Variants in CCDC170 observed in about 807,000 individuals in gnomAD.
CCDC170 encodes the protein coiled-coil domain-containing protein 170.
A neutral mutation model predicts 72.6 loss-of-function variants in CCDC170; 69 were observed. The observed-to-expected ratio is 0.95, with a 90% confidence interval of 0.78 to 1.16. The LOEUF is 1.16. Ranked by LOEUF, CCDC170 falls within the 50% of genes most tolerant of loss-of-function variation. CCDC170 has a pLI of 0.00. For synonymous variants in CCDC170, 300 were observed against 303.9 expected (o/e 0.99, Z 0.13); for missense variants, 852 against 832.5 (o/e 1.02, Z -0.29).
chr6:151,596,488 A>G lies in CCDC170; in HGVS notation c.1621A>G (p.Lys541Glu), dbSNP rs764088024. 2 of 1,614,064 alleles carry G rather than the reference A, an allele frequency of 1.2e-6. No individual in the cohort carries two copies. Among genetic ancestry groups the G allele is most frequent in the South Asian group, 2.2e-5 (2 of 91,070 alleles). ...AHLTIRNLQK[K>E]VERLQKELNT... ...TCTTACCATCAGGAACTTGCAGAAG[A>G]AGGTGGAGAGGCTGCAGAAAGAGCT... The change falls in exon 9 of 11, where the codon AAG becomes GAG. Residue 541 changes from lysine to glutamate, a missense_variant. Coordinates refer to ENST00000239374, the MANE Select transcript of CCDC170 (RefSeq NM_025059.4).
rs1562302655 is a variant in CCDC170, at chr6:151,618,813, C to A, written c.*666C>A. On this transcript the variant is annotated 3_prime_UTR_variant, in exon 11 of 11. Transcript: ENST00000239374. ...ATCATTTGAGGTCAGGAGTTTAAGA[C>A]CAGCCTGGCTAACATAGTGAGACCC... is the stretch of plus-strand genomic sequence containing the variant. 1 of 152,260 alleles carries A rather than the reference C, an allele frequency of 6.6e-6. No individual in the cohort carries two copies. Among genetic ancestry groups the A allele is most frequent in the Non-Finnish European group, 1.5e-5 (1 of 68,286 alleles). 9.4% of individuals were successfully genotyped at this position (152,260 alleles called of 1,614,324 possible). A position where few individuals can be genotyped will look rare whatever the true frequency, so the allele number is the denominator to read the frequency against.
chr6:151,505,767 T>C (rs1177222502), intron 1 of CCDC170, among the ~76,000 whole-genome samples: 1 of 152,112 alleles, frequency 6.6e-6, no homozygotes. Flanking sequence ...GAAATTGTAA[T>C]TCTACTTCTG....
Position 151,596,583 on chromosome 6 carries a change from T to C in CCDC170, c.1710+6T>C. ...CCGACACCAATGAACTGAAGGCAAGTGCTTGGCTTCATTTTGTTGTTGCTT... is the reference window on the plus strand; with the variant it reads ...CCGACACCAATGAACTGAAGGCAAGCGCTTGGCTTCATTTTGTTGTTGCTT... On this transcript the variant is annotated splice_donor_region_variant and intron_variant, in intron 9 of 10. Coordinates refer to ENST00000239374, the MANE Select transcript of CCDC170 (RefSeq NM_025059.4). 6.2e-7 allele frequency: 1 copy of C among 1,612,366 alleles called. No homozygotes were observed.
rs139375253 is a variant in CCDC170, at chr6:151,564,487, G to A, written c.775-8687G>A. 3.4e-3 allele frequency among the ~76,000 whole-genome samples: 517 copies of A among 152,280 alleles called. 3 individuals carry two copies. Among genetic ancestry groups the A allele is most frequent in the African/African-American group, 0.012 (502 of 41,546 alleles). ...TCTAGGTGGGTCTATACTGGCAGTG[G>A]CAGCAGCAGGTGGGTCTTTCAGTCC... On this transcript the variant is annotated intron_variant, in intron 5 of 10. Coordinates refer to ENST00000239374, the MANE Select transcript of CCDC170 (RefSeq NM_025059.4).
chr6:151,551,749 T>A (rs1782882122), intron 5 of CCDC170, among the ~76,000 whole-genome samples: 1 of 152,164 alleles, frequency 6.6e-6, no homozygotes, highest in Non-Finnish European at 1.5e-5. Context: ...TGGGGAGGAC[T>A]GCAGCCCTGC....
intron 1 of CCDC170, among the ~76,000 whole-genome samples, chr6:151,523,293 C>T (rs2115035052): frequency 6.6e-6 from 1 of 152,116 alleles, no homozygotes; most frequent in East Asian, 1.9e-4. Flanking sequence ...GAAAATAAAG[C>T]AAGGATTTAG....
chr6:151,616,377 G>A (rs188032656), intron 10 of CCDC170, among the ~76,000 whole-genome samples: 48 of 152,152 alleles, frequency 3.2e-4, no homozygotes, highest in Non-Finnish European at 1.5e-4. Flanking sequence ...AACATGTACC[G>A]GGCAGCTTGA....
chr6:151,544,874 A>C (rs565078157), intron 4 of CCDC170, among the ~76,000 whole-genome samples, 158 bp downstream of exon 4: 2 of 152,290 alleles, frequency 1.3e-5, no homozygotes, highest in South Asian at 4.2e-4. Flanking sequence ...AAGTCACGTC[A>C]CCTGCCTGAG....
intron 5 of CCDC170, among the ~76,000 whole-genome samples, chr6:151,549,746 T>C (rs1440857808): frequency 6.6e-6 from 1 of 152,196 alleles, no homozygotes; most frequent in Non-Finnish European, 1.5e-5. Context: ...TCTTATATAC[T>C]CTTCTGGAAA....
At position 151,523,062 on chromosome 6, in the gene CCDC170, A is replaced by G. The variant is rs1782347455; in HGVS notation, c.58-13256A>G. 4.6e-5 allele frequency among the ~76,000 whole-genome samples: 7 copies of G among 152,180 alleles called. No individual in the cohort carries two copies. The South Asian group carries it at 1.4e-3, about 32-fold the overall frequency. ...CAGTAGAATTGTTATAGGAAGGTTGATTTCTGCTAAAGTGAGACATGGGAA... is the reference window on the plus strand; with the variant it reads ...CAGTAGAATTGTTATAGGAAGGTTGGTTTCTGCTAAAGTGAGACATGGGAA... On this transcript the variant is annotated intron_variant, in intron 1 of 10. Coordinates refer to ENST00000239374, the MANE Select transcript of CCDC170 (RefSeq NM_025059.4).
At chr6:151,524,684 C>A (rs1389008036) in intron 1 of CCDC170, among the ~76,000 whole-genome samples, 1 of 152,064 alleles carries the variant, frequency 6.6e-6, no homozygotes, top group African/African-American at 2.4e-5. Flanking sequence ...CATCTTCTCC[C>A]ATTGTTCAGA....
Position 151,529,538 on chromosome 6 carries a change from T to A in CCDC170, c.58-6780T>A, listed in dbSNP as rs551806649. ...TGGGCATTGTGGTGCATGCCTGTAG[T>A]CTCAGCTACTCGGGAGGCTGAGGCA... On this transcript the variant is annotated intron_variant, in intron 1 of 10. Transcript: ENST00000239374. Among the ~76,000 whole-genome samples the A allele has an allele frequency of 3.3e-5, 5 of 152,192 alleles. No homozygotes were observed. The South Asian group carries it at 1.0e-3, about 32-fold the overall frequency.
At chr6:151,614,459 ATT>A (rs957510544) in intron 9 of CCDC170, among the ~76,000 whole-genome samples, 2 of 148,852 alleles carry the variant, frequency 1.3e-5, no homozygotes, top group Admixed American at 6.7e-5. Context: ...AATTTCATTC[ATT>A]TTTTTTTTCT....
chr6:151,605,955 G>C (rs1413134231), intron 9 of CCDC170, among the ~76,000 whole-genome samples: 1 of 149,708 alleles, frequency 6.7e-6, no homozygotes, highest in Non-Finnish European at 1.5e-5. Context: ...AGGCTGGAGT[G>C]CAATGGCGTG....
chr6:151,589,900 T>C (rs1473102204), intron 7 of CCDC170, among the ~76,000 whole-genome samples: 1 of 152,140 alleles, frequency 6.6e-6, no homozygotes, highest in African/African-American at 2.4e-5. Context: ...AGAAGCCTTC[T>C]GGGAGTGGCA....
intron 1 of CCDC170, among the ~76,000 whole-genome samples, chr6:151,534,173 T>A (rs747774690): frequency 2.6e-5 from 4 of 151,520 alleles, no homozygotes; most frequent in Non-Finnish European, 4.4e-5. Flanking sequence ...CAAGCCTTCC[T>A]CCCACCTCAG....
intron 9 of CCDC170, among the ~76,000 whole-genome samples, chr6:151,605,562 G>A (rs548606002): frequency 1.3e-5 from 2 of 152,180 alleles, no homozygotes; most frequent in Non-Finnish European, 2.9e-5. Context: ...GTGGGTTGAG[G>A]CAGAAACTGT....
At chr6:151,523,752 A>T (rs1222990487) in intron 1 of CCDC170, among the ~76,000 whole-genome samples, 1 of 152,132 alleles carries the variant, frequency 6.6e-6, no homozygotes, top group Non-Finnish European at 1.5e-5. Flanking sequence ...TTTGGCCAGA[A>T]CACTATTTAT....
Position 151,578,892 on chromosome 6 carries a change from G to A in CCDC170, c.1092+5401G>A, listed in dbSNP as rs560909395. Among the ~76,000 whole-genome samples, 5 of 151,978 alleles carry A rather than the reference G, an allele frequency of 3.3e-5. No individual in the cohort carries two copies. The South Asian group carries it at 1.0e-3, about 32-fold the overall frequency. On this transcript the variant is annotated intron_variant, in intron 6 of 10. Coordinates refer to ENST00000239374, the MANE Select transcript of CCDC170 (RefSeq NM_025059.4). ...GTGTAGAACTTTTTGGCTTCTATTT[G>A]GTTTAATTTTAGGACAAAATTGTCT... is the stretch of plus-strand genomic sequence containing the variant.
Sources: gnomAD v4.1 joint callset for allele counts (sites outside exome capture counted in the v4.1 genomes callset) on GRCh38, gnomAD v4.1.1 for gene constraint, MANE v1.5 for transcripts, NCBI Gene and HGNC (gene_info 2026-07-23, HGNC 2026-07-21) for gene names.